The following BCKDHB variants were observed in gnomAD, a reference collection of about 807,000 sequenced individuals.
The protein encoded by BCKDHB is 2-oxoisovalerate dehydrogenase subunit beta, mitochondrial.
A neutral mutation model predicts 48.5 loss-of-function variants in BCKDHB; 41 were observed. The ratio of observed to expected loss-of-function variants is 0.85; its 90% confidence interval spans 0.66 to 1.10. The LOEUF (loss-of-function observed/expected upper bound fraction) is 1.10, where lower values mean the gene tolerates loss of function less well. Ranked by LOEUF, BCKDHB falls within the 50% of genes least tolerant of loss-of-function variation. The pLI, the probability that BCKDHB is intolerant of heterozygous loss-of-function variation, is 0.00. For missense variants in BCKDHB, 496 were observed against 494.2 expected (o/e 1.00, Z -0.03); for synonymous variants, 201 against 174.8 (o/e 1.15, Z -1.18).
intron 6 of BCKDHB, among the ~76,000 whole-genome samples, chr6:80,196,425 C>G (rs890204246): frequency 6.6e-6 from 1 of 152,086 alleles, no homozygotes; most frequent in Admixed American, 6.6e-5. Context: ...GTTGTTGCTT[C>G]CCTTTAGATT....
intron 8 of BCKDHB, among the ~76,000 whole-genome samples, chr6:80,226,243 T>G (rs1222097265): frequency 6.6e-6 from 1 of 152,230 alleles, no homozygotes. Flanking sequence ...TATTGAGAGA[T>G]ATTTAGTCCA....
chr6:80,265,331 A>G (rs1777467656), intron 8 of BCKDHB, among the ~76,000 whole-genome samples: 1 of 152,158 alleles, frequency 6.6e-6, no homozygotes. Flanking sequence ...GAATGTATAA[A>G]CAAAATGTGA....
At chr6:80,374,020 C>T in the BCKDHB span, 1 of 637,966 alleles carries the variant, frequency 1.6e-6, no homozygotes, top group Non-Finnish European at 2.9e-6. Context: ...TGAATTTACT[C>T]CCATGCCATA....
intron 8 of BCKDHB, among the ~76,000 whole-genome samples, chr6:80,268,908 A>G (rs1362337836): frequency 1.3e-5 from 2 of 152,116 alleles, no homozygotes; most frequent in African/African-American, 2.4e-5. Context: ...AATACCATCA[A>G]TTTGGAACAT....
intron 3 of BCKDHB, among the ~76,000 whole-genome samples, chr6:80,159,776 TATTTTGTAG>T (rs1772225261): frequency 6.6e-6 from 1 of 152,242 alleles, no homozygotes; most frequent in Non-Finnish European, 1.5e-5. Context: ...TTCCCTGGTT[TATTTTGTAG>T]CTTAGTCACA....
intron 9 of BCKDHB, among the ~76,000 whole-genome samples, chr6:80,306,855 C>G (rs1026933472): frequency 2.6e-5 from 4 of 152,140 alleles, no homozygotes; most frequent in African/African-American, 9.7e-5. Flanking sequence ...GGAGGCTCTT[C>G]TTCTGGAGAC....
chr6:80,322,289 A>T (rs2128002527), intron 9 of BCKDHB, among the ~76,000 whole-genome samples: 1 of 130,948 alleles, frequency 7.6e-6, no homozygotes, highest in Non-Finnish European at 1.5e-5. Flanking sequence ...CCCAGGCTGG[A>T]GTGCAATGGC....
the BCKDHB span, among the ~76,000 whole-genome samples, chr6:80,411,584 AGGCAGTAGGCCTTGCTG>A: frequency 6.6e-6 from 1 of 152,254 alleles, no homozygotes; most frequent in Non-Finnish European, 1.5e-5. Flanking sequence ...GAGTCTATAG[AGGCAGTAGGCCTTGCTG>A]AGATGTGTTG....
the BCKDHB span, among the ~76,000 whole-genome samples, chr6:80,383,075 A>G: frequency 6.6e-6 from 1 of 152,196 alleles, no homozygotes. Context: ...TTTTGGGGTC[A>G]GGCTGAAGGA....
chr6:80,413,205 T>C, the BCKDHB span, among the ~76,000 whole-genome samples: 1 of 152,246 alleles, frequency 6.6e-6, no homozygotes, highest in East Asian at 1.9e-4. Flanking sequence ...AAAAAGATAG[T>C]ATATCAAAGA....
chr6:80,268,108 G>C (rs943017820), intron 8 of BCKDHB, among the ~76,000 whole-genome samples: 1 of 152,016 alleles, frequency 6.6e-6, no homozygotes, highest in Non-Finnish European at 1.5e-5. Flanking sequence ...TGTGGAGGAG[G>C]TCATGCTGAT....
the BCKDHB span, among the ~76,000 whole-genome samples, chr6:80,376,820 T>C: frequency 6.6e-6 from 1 of 152,190 alleles, no homozygotes; most frequent in African/African-American, 2.4e-5. Context: ...AGAAATGATT[T>C]CTTAAAGGGA....
chr6:80,137,425 A>G (rs1361563884), intron 3 of BCKDHB, among the ~76,000 whole-genome samples: 2 of 152,074 alleles, frequency 1.3e-5, no homozygotes, highest in Non-Finnish European at 2.9e-5. Flanking sequence ...GTCTTGCTCT[A>G]TTTCCTATAC....
the BCKDHB span, among the ~76,000 whole-genome samples, chr6:80,385,562 C>T: frequency 6.6e-6 from 1 of 152,194 alleles, no homozygotes; most frequent in Non-Finnish European, 1.5e-5. Context: ...AGCCTTTCCA[C>T]CTTTGTCTGA....
intron 9 of BCKDHB, among the ~76,000 whole-genome samples, chr6:80,314,976 C>T (rs1582555209): frequency 6.6e-6 from 1 of 152,332 alleles, no homozygotes; most frequent in Non-Finnish European, 1.5e-5. Context: ...GTTGTTTAAA[C>T]TGCAGAGATG....
At chr6:80,311,895 G>A (rs116390187) in intron 9 of BCKDHB, among the ~76,000 whole-genome samples, 2,082 of 152,248 alleles carry the variant, frequency 0.014, 35 homozygotes, top group African/African-American at 0.048. Context: ...GTTTAGGATT[G>A]TCTTGGCTAT....
At chr6:80,281,033 T>TGA (rs1778172649) in intron 9 of BCKDHB, among the ~76,000 whole-genome samples, 2 of 148,712 alleles carry the variant, frequency 1.3e-5, no homozygotes, top group South Asian at 4.6e-4. Flanking sequence ...TATGCGTGTG[T>TGA]GTGTGTGTGT....
intron 1 of BCKDHB, among the ~76,000 whole-genome samples, chr6:80,113,027 G>C (rs915765111): frequency 1.3e-5 from 2 of 152,228 alleles, no homozygotes; most frequent in Non-Finnish European, 2.9e-5. Flanking sequence ...TAGCAAGTCA[G>C]ATAGAATAGG....
At chr6:80,309,525 A>G (rs6918172) in intron 9 of BCKDHB, among the ~76,000 whole-genome samples, 56,999 of 151,972 alleles carry the variant, frequency 0.38, 12,710 homozygotes, top group Admixed American at 0.56. Context: ...CTTGTGTAAT[A>G]ATGACTTTGT....
Sources: gnomAD v4.1 joint callset for allele counts (sites outside exome capture counted in the v4.1 genomes callset) on GRCh38, gnomAD v4.1.1 for gene constraint, MANE v1.5 for transcripts, NCBI Gene and HGNC (gene_info 2026-07-23, HGNC 2026-07-21) for gene names.